ADGRL2: variants seen among roughly 807,000 people sequenced by gnomAD.
ADGRL2 encodes the protein adhesion G protein-coupled receptor L2.
A neutral mutation model predicts 157.4 loss-of-function variants in ADGRL2; 44 were observed. The ratio of observed to expected loss-of-function variants is 0.28; its 90% CI spans 0.22 to 0.36. ADGRL2 has a LOEUF of 0.36. Among genes scored for constraint, ADGRL2 ranks in the 10% least tolerant of loss-of-function variants. The probability of loss-of-function intolerance (pLI) is 1.00; values close to 1 mark genes in which losing one functional copy is unlikely to be tolerated. For synonymous variants in ADGRL2, 585 were observed against 624.7 expected (o/e 0.94, Z 0.95); for missense variants, 1,510 against 1,768.9 (o/e 0.85, Z 2.63).
chr1:81,549,379 A>G (rs1417447427), intron 2 of ADGRL2, among the ~76,000 whole-genome samples: 1 of 152,196 alleles, frequency 6.6e-6, no homozygotes, highest in Non-Finnish European at 1.5e-5. Flanking sequence ...CAACCACAAA[A>G]TAGTTTTGGA....
chr1:81,953,190 A>G (rs1251427638), intron 10 of ADGRL2, among the ~76,000 whole-genome samples, 165 bp downstream of exon 10: 1 of 152,174 alleles, frequency 6.6e-6, no homozygotes, highest in East Asian at 1.9e-4. Context: ...TACTCTCAGA[A>G]TAAGCAAATA....
intron 2 of ADGRL2, among the ~76,000 whole-genome samples, chr1:81,770,869 T>A (rs951611308): frequency 5.9e-5 from 9 of 152,180 alleles, no homozygotes; most frequent in Non-Finnish European, 1.3e-4. Flanking sequence ...TATATATGTG[T>A]AGTTATTTAT....
At chr1:81,593,270 C>A (rs545040278) in intron 3 of ADGRL2, among the ~76,000 whole-genome samples, 2 of 152,134 alleles carry the variant, frequency 1.3e-5, no homozygotes, top group African/African-American at 4.8e-5. Context: ...TATCACCTGG[C>A]GCTCACTATT....
At chr1:81,564,928 A>G (rs530695551) in intron 2 of ADGRL2, among the ~76,000 whole-genome samples, 1 of 152,326 alleles carries the variant, frequency 6.6e-6, no homozygotes, top group East Asian at 1.9e-4. Context: ...GCCAGAATGA[A>G]CATGCCAACC....
intron 2 of ADGRL2, chr1:81,502,493 C>A: frequency 3.7e-6 from 6 of 1,614,028 alleles, no homozygotes; most frequent in East Asian, 2.2e-5. Flanking sequence ...CCCCATCAAC[C>A]GAATCCCCAT....
intron 1 of ADGRL2, among the ~76,000 whole-genome samples, chr1:81,408,782 A>G (rs898286483): frequency 1.3e-5 from 2 of 152,224 alleles, no homozygotes; most frequent in African/African-American, 4.8e-5. Context: ...TATCTCTGCT[A>G]AAGAAAACCA....
chr1:81,576,487 G>C (rs528458040), intron 2 of ADGRL2, among the ~76,000 whole-genome samples: 1 of 152,180 alleles, frequency 6.6e-6, no homozygotes, highest in Non-Finnish European at 1.5e-5. Flanking sequence ...CTAAAATTGG[G>C]TTACTTGGCA....
intron 1 of ADGRL2, among the ~76,000 whole-genome samples, chr1:81,734,338 GAAAA>G (rs1335965302): frequency 2.6e-5 from 4 of 151,374 alleles, no homozygotes; most frequent in African/African-American, 9.7e-5. Context: ...TATAATGAAA[GAAAA>G]GAAAGAAAAC....
chr1:81,362,188 C>A (rs190613181), intron 1 of ADGRL2, among the ~76,000 whole-genome samples: 55 of 151,902 alleles, frequency 3.6e-4, no homozygotes, highest in African/African-American at 1.3e-3. Flanking sequence ...ACTAAAACAC[C>A]ATAGGAATCT....
At chr1:81,425,607 GA>G (rs1405295901) in intron 1 of ADGRL2, among the ~76,000 whole-genome samples, 2 of 152,222 alleles carry the variant, frequency 1.3e-5, no homozygotes, top group African/African-American at 4.8e-5. Context: ...AAGGGACAAG[GA>G]AAAAAATTTA....
In ADGRL2 at chr1:81,943,816, T is replaced by G. The variant is rs1289130866; in HGVS notation, c.1210+47T>G. The G allele has an allele frequency of 6.8e-7, 1 of 1,462,560 alleles. No individual in the cohort carries two copies. Among genetic ancestry groups the G allele is most frequent in the South Asian group, 1.3e-5 (1 of 78,296 alleles). 90.6% of individuals were successfully genotyped at this position (1,462,560 alleles called of 1,614,324 possible). A position where few individuals can be genotyped will look rare whatever the true frequency, so the allele number is the denominator to read the frequency against. On this transcript the variant is annotated intron_variant, in intron 6 of 23. Coordinates refer to ENST00000686636, the MANE Select transcript of ADGRL2 (RefSeq NM_001366006.2). The surrounding 1 kb of genome is among the most constrained non-coding windows in gnomAD (Gnocchi z 5.6). Reference sequence around the variant, plus strand: ...TGCTTATGTCATTTTGTGAAAAGCATTTTTCTTTTTAAAGACTTCTTAATT... The same window carrying G: ...TGCTTATGTCATTTTGTGAAAAGCAGTTTTCTTTTTAAAGACTTCTTAATT...
intron 3 of ADGRL2, among the ~76,000 whole-genome samples, chr1:81,922,416 C>T (rs1380112461): frequency 6.6e-6 from 1 of 151,976 alleles, no homozygotes; most frequent in African/African-American, 2.4e-5. Context: ...TGAAAATAGT[C>T]GTACAGAATA....
At chr1:81,478,566 T>G (rs2078320021) in intron 2 of ADGRL2, among the ~76,000 whole-genome samples, 1 of 152,226 alleles carries the variant, frequency 6.6e-6, no homozygotes, top group South Asian at 2.1e-4. Context: ...AAGAACAGTT[T>G]GTTTCAAGTC....
At chr1:81,687,549 G>A (rs563701981) in intron 3 of ADGRL2, among the ~76,000 whole-genome samples, 2 of 152,250 alleles carry the variant, frequency 1.3e-5, no homozygotes, top group South Asian at 4.1e-4. Flanking sequence ...TGTTAGGTGA[G>A]TCTCCTGAAG....
At chr1:81,467,221 G>GA (rs1239983575) in intron 2 of ADGRL2, among the ~76,000 whole-genome samples, 2 of 152,100 alleles carry the variant, frequency 1.3e-5, no homozygotes, top group Non-Finnish European at 2.9e-5. Flanking sequence ...GTGGCTTTGA[G>GA]AAAGGGCACT....
chr1:81,744,885 T>C (rs1235914137), intron 1 of ADGRL2, among the ~76,000 whole-genome samples: 2 of 152,206 alleles, frequency 1.3e-5, no homozygotes. Flanking sequence ...CGTGTACTAC[T>C]TGAGAGATGA....
At chr1:81,779,745 A>C (rs1280538630) in intron 2 of ADGRL2, among the ~76,000 whole-genome samples, 1 of 152,196 alleles carries the variant, frequency 6.6e-6, no homozygotes, top group African/African-American at 2.4e-5. Context: ...CACAGCTTAA[A>C]TCAAACTCTA....
At chr1:81,800,887 G>A (rs1219038669), upstream of ADGRL2, among the ~76,000 whole-genome samples, 2 of 149,838 alleles carry the variant, frequency 1.3e-5, no homozygotes, top group South Asian at 4.1e-4. Context: ...GGGGAGAGAA[G>A]GGGAGGGGCG....
At chr1:81,972,106 TTACTC>T (rs1658927266) in intron 17 of ADGRL2, among the ~76,000 whole-genome samples, 188 bp downstream of exon 17, 1 of 152,124 alleles carries the variant, frequency 6.6e-6, no homozygotes, top group African/African-American at 2.4e-5. Flanking sequence ...CTGAAAATCT[TTACTC>T]TAAAAAGTAC....
Sources: allele counts gnomAD v4.1 joint callset (sites outside exome capture counted in the v4.1 genomes callset), GRCh38; gene constraint gnomAD v4.1.1; non-coding constraint Gnocchi (gnomAD v3.1); transcripts MANE v1.5; gene names NCBI Gene and HGNC (gene_info 2026-07-23, HGNC 2026-07-21).